Variants in GFOD1 observed in about 807,000 individuals in gnomAD.
GFOD1 encodes Gfo/Idh/MocA-like oxidoreductase domain containing 1.
GFOD1 carries 9 observed loss-of-function variants against 25.4 expected under a neutral mutation model. The ratio of observed to expected loss-of-function variants is 0.35; its 90% CI spans 0.21 to 0.62. GFOD1 has a LOEUF of 0.62. GFOD1 is among the 20% of genes least tolerant of loss of function. The probability of loss-of-function intolerance (pLI) is 0.72; values close to 1 mark genes in which losing one functional copy is unlikely to be tolerated. For missense variants in GFOD1, 403 were observed against 556.9 expected (o/e 0.72, Z 2.78); for synonymous variants, 253 against 245.6 (o/e 1.03, Z -0.28).
chr6:13,424,659 T>C (rs905721559), intron 1 of GFOD1, among the ~76,000 whole-genome samples: 1 of 152,212 alleles, frequency 6.6e-6, no homozygotes, highest in Non-Finnish European at 1.5e-5. Context: ...TAAAAATGTA[T>C]AGAATATAGA....
At position 13,487,316 on chromosome 6, in the gene GFOD1, G is replaced by A; in HGVS notation, c.-426C>T. The A allele has an allele frequency of 5.7e-6, 1 of 174,222 alleles. No homozygotes were observed. The highest frequency in any genetic ancestry group is 1.2e-5 in the Non-Finnish European group (1 of 83,408). The allele number at this position is 174,222 out of a possible 1,614,324, so 10.8% of individuals were successfully genotyped here. On this transcript the variant is annotated 5_prime_UTR_variant, in exon 1 of 2. The change creates a new upstream start codon in the 5' untranslated region. Transcript: ENST00000379287. This position sits in a 1 kb window ranked among gnomAD's most constrained non-coding sequence, Gnocchi z 4.9. The stretch of plus-strand genomic sequence containing the variant: ...CCCGGGACCGGCTCTCTCCCGCGTC[G>A]TTTGCGCAGCCGGCGAATCGCACAG...
chr6:13,472,189 C>T (rs1306268100), intron 1 of GFOD1: 1 of 152,240 alleles, frequency 6.6e-6, no homozygotes, highest in Non-Finnish European at 1.5e-5. Context: ...GTCCCTCCCA[C>T]AACACATGGG....
chr6:13,401,837 A>C (rs183105434), intron 1 of GFOD1, among the ~76,000 whole-genome samples: 62 of 152,308 alleles, frequency 4.1e-4, no homozygotes, highest in Non-Finnish European at 7.1e-4. Flanking sequence ...TACAATTCAC[A>C]TGAAAATGCT....
At chr6:13,386,369 C>T (rs184398476) in intron 1 of GFOD1, among the ~76,000 whole-genome samples, 79 of 152,220 alleles carry the variant, frequency 5.2e-4, no homozygotes, top group African/African-American at 1.8e-3. Context: ...AGATACACAC[C>T]GCGTAGGTGA....
chr6:13,382,349 G>C (rs1429944516), intron 1 of GFOD1, among the ~76,000 whole-genome samples: 1 of 18,204 alleles, frequency 5.5e-5, no homozygotes, highest in African/African-American at 1.3e-4. Flanking sequence ...TTGAATCATG[G>C]GGGGGGGGGT....
chr6:13,379,730 G>T (rs941487374), intron 1 of GFOD1, among the ~76,000 whole-genome samples: 1 of 152,154 alleles, frequency 6.6e-6, no homozygotes, highest in Non-Finnish European at 1.5e-5. Context: ...TCTGTTGTTG[G>T]CAATTTAAAT....
intron 1 of GFOD1, among the ~76,000 whole-genome samples, chr6:13,417,375 G>A (rs1378577905): frequency 3.3e-5 from 5 of 152,290 alleles, no homozygotes; most frequent in Non-Finnish European, 4.4e-5. Context: ...GGATGGTCTC[G>A]ATCTCCTGAC....
At chr6:13,461,880 C>G (rs940430608) in intron 1 of GFOD1, among the ~76,000 whole-genome samples, 3 of 152,222 alleles carry the variant, frequency 2.0e-5, no homozygotes, top group Non-Finnish European at 4.4e-5. Flanking sequence ...AAGAACGCCA[C>G]TTGCACCCTG....
At chr6:13,413,313 T>C (rs908721994) in intron 1 of GFOD1, among the ~76,000 whole-genome samples, 2 of 152,168 alleles carry the variant, frequency 1.3e-5, no homozygotes, top group Non-Finnish European at 2.9e-5. Context: ...GCCACCCACT[T>C]GTGAAGGGTT....
chr6:13,454,817 G>A (rs555590233), intron 1 of GFOD1, among the ~76,000 whole-genome samples: 1 of 152,282 alleles, frequency 6.6e-6, no homozygotes, highest in South Asian at 2.1e-4. Flanking sequence ...GTCCTTCTGT[G>A]GGCTGCAAGA....
At chr6:13,439,092 T>C (rs1757876382) in intron 1 of GFOD1, among the ~76,000 whole-genome samples, 1 of 152,180 alleles carries the variant, frequency 6.6e-6, no homozygotes, top group Non-Finnish European at 1.5e-5. Context: ...CTGGTCTAGA[T>C]GTACTAGATA....
chr6:13,410,225 G>C (rs1314212201), intron 1 of GFOD1, among the ~76,000 whole-genome samples: 1 of 152,090 alleles, frequency 6.6e-6, no homozygotes, highest in African/African-American at 2.4e-5. Context: ...CAGCTGGCTT[G>C]CTCCTGTGTT....
intron 1 of GFOD1, among the ~76,000 whole-genome samples, chr6:13,478,580 A>G (rs1272607649): frequency 6.6e-6 from 1 of 152,238 alleles, no homozygotes; most frequent in African/African-American, 2.4e-5. Flanking sequence ...GCATTTGGTC[A>G]TGTATCCCCC....
intron 1 of GFOD1, among the ~76,000 whole-genome samples, chr6:13,466,206 G>C (rs765564085): frequency 1.3e-5 from 2 of 152,236 alleles, no homozygotes; most frequent in Non-Finnish European, 2.9e-5. Flanking sequence ...GAAGGTACAA[G>C]ATGATGGTAT....
intron 1 of GFOD1, among the ~76,000 whole-genome samples, chr6:13,477,707 T>G (rs1337226697): frequency 6.6e-6 from 1 of 152,190 alleles, no homozygotes. Flanking sequence ...TCTTTCACTG[T>G]TTTGCTATGG....
At chr6:13,408,701 G>A (rs1383620955) in intron 1 of GFOD1, among the ~76,000 whole-genome samples, 1 of 152,168 alleles carries the variant, frequency 6.6e-6, no homozygotes, top group Non-Finnish European at 1.5e-5. Flanking sequence ...TTTGTTAAGA[G>A]AATAGTCAGG....
intron 1 of GFOD1, chr6:13,469,491 AATG>A: frequency 1.0e-6 from 1 of 991,028 alleles, no homozygotes; most frequent in Non-Finnish European, 1.2e-6. Context: ...TGTCAATAAA[AATG>A]ATATGGCCTT....
At chr6:13,476,556 G>A (rs775395474) in intron 1 of GFOD1, among the ~76,000 whole-genome samples, 32 of 152,254 alleles carry the variant, frequency 2.1e-4, no homozygotes, top group Middle Eastern at 3.4e-3. Flanking sequence ...TGAATATTGT[G>A]AAATAAAAAG....
At chr6:13,367,523 G>A (rs1391930861) in intron 1 of GFOD1, among the ~76,000 whole-genome samples, 1 of 152,090 alleles carries the variant, frequency 6.6e-6, no homozygotes, top group African/African-American at 2.4e-5. Context: ...TGGAGGTCAG[G>A]CCAAATAAGA....
Sources: allele counts gnomAD v4.1 joint callset (sites outside exome capture counted in the v4.1 genomes callset), GRCh38; gene constraint gnomAD v4.1.1; non-coding constraint Gnocchi (gnomAD v3.1); transcripts MANE v1.5; gene names NCBI Gene and HGNC (gene_info 2026-07-23, HGNC 2026-07-21).